The following SMOC1 variants were observed in gnomAD, a reference collection of about 807,000 sequenced individuals.
SMOC1 encodes the protein SPARC-related modular calcium-binding protein 1.
In SMOC1, 22 loss-of-function variants were observed where a neutral mutation model predicts 56.3. That is an observed-to-expected ratio of 0.39 (90% confidence interval 0.28 to 0.56). The LOEUF is 0.56. Ranked by LOEUF, SMOC1 falls within the 20% of genes least tolerant of loss-of-function variation. The pLI is 0.61. For missense variants in SMOC1, 509 were observed against 565.4 expected, an observed-to-expected ratio of 0.90 and a Z score of 1.01; for synonymous variants, 193 against 215.0, an observed-to-expected ratio of 0.90 and a Z score of 0.89.
intron 7 of SMOC1, among the ~76,000 whole-genome samples, chr14:70,007,144 C>A (rs1885174859): frequency 6.6e-6 from 1 of 152,202 alleles, no homozygotes; most frequent in Admixed American, 6.5e-5. Flanking sequence ...AGCACCCAGC[C>A]AGTGCTGAAA....
Position 69,970,790 on chromosome 14 carries a change from G to A in SMOC1, c.379-4925G>A, listed in dbSNP as rs182710817. Among the ~76,000 whole-genome samples the A allele has an allele frequency of 2.6e-3, 393 of 152,294 alleles. 2 individuals carry two copies. Among genetic ancestry groups the A allele is most frequent in the African/African-American group, 8.5e-3 (355 of 41,562 alleles). ...CGGTTGCTCACCTGCCTTGTTGGGA[G>A]TGGTAGCCTGCCACATCCTTCCAGG... On this transcript the variant is annotated intron_variant, in intron 3 of 11. Coordinates refer to ENST00000361956, the MANE Select transcript of SMOC1 (RefSeq NM_001034852.3).
At chr14:69,983,834 T>C (rs1884268903) in intron 5 of SMOC1, among the ~76,000 whole-genome samples, 1 of 152,190 alleles carries the variant, frequency 6.6e-6, no homozygotes, top group Admixed American at 6.5e-5. Context: ...TGGACAGGCC[T>C]TGGGCCTGCT....
At chr14:69,880,644 G>T (rs1446175892) in intron 1 of SMOC1, among the ~76,000 whole-genome samples, 1 of 152,192 alleles carries the variant, frequency 6.6e-6, no homozygotes, top group East Asian at 1.9e-4. Flanking sequence ...CGACCTAGTG[G>T]TTCTTTTGAC....
chr14:70,022,114 G>T (rs1885747931), intron 10 of SMOC1, among the ~76,000 whole-genome samples: 1 of 152,218 alleles, frequency 6.6e-6, no homozygotes, highest in Non-Finnish European at 1.5e-5. Context: ...GTCACTCAGT[G>T]CCAAGCCCTG....
Position 70,023,356 on chromosome 14 carries a change from T to C in SMOC1, c.1200T>C (p.Cys400=). The change falls in exon 11 of 12, where the codon TGT becomes TGC. Residue 400 remains cysteine, a synonymous_variant. Coordinates refer to ENST00000361956, the MANE Select transcript of SMOC1 (RefSeq NM_001034852.3). The stretch of plus-strand genomic sequence containing the variant: ...AGAAGAAAGCCAAGCCCAAGAAATG[T>C]GCCCGGCGTTTCACCGACTACTGTG... ...YVKKKAKPKK[C]ARRFTDYCDL... is the part of the protein sequence containing the mutation. 6.2e-7 allele frequency: 1 copy of C among 1,614,186 alleles called. No individual in the cohort carries two copies. Among genetic ancestry groups the C allele is most frequent in the Non-Finnish European group, 8.5e-7 (1 of 1,180,044 alleles).
chr14:70,028,235 T>A (rs1248739971), intron 11 of SMOC1, among the ~76,000 whole-genome samples: 1 of 152,224 alleles, frequency 6.6e-6, no homozygotes, highest in Admixed American at 6.5e-5. Flanking sequence ...TCATTGTCAC[T>A]GTCCTGTGAG....
At chr14:69,960,469 A>G (rs2139460870) in intron 3 of SMOC1, among the ~76,000 whole-genome samples, 1 of 151,860 alleles carries the variant, frequency 6.6e-6, no homozygotes, top group Non-Finnish European at 1.5e-5. Flanking sequence ...TCTGTGGACA[A>G]TGCCAGCTTT....
chr14:69,917,543 A>G (rs1437661464), intron 1 of SMOC1, among the ~76,000 whole-genome samples: 1 of 152,230 alleles, frequency 6.6e-6, no homozygotes, highest in Non-Finnish European at 1.5e-5. Flanking sequence ...ATGGCCTGGG[A>G]GAAGCTTTGT....
At position 69,962,161 on chromosome 14, in the gene SMOC1, C is replaced by T. The variant is rs145277660; in HGVS notation, c.378+8629C>T. Among the ~76,000 whole-genome samples the T allele has an allele frequency of 4.1e-3, 617 of 152,120 alleles. 3 individuals are homozygous for T. Among genetic ancestry groups the T allele is most frequent in the African/African-American group, 0.014 (584 of 41,490 alleles). ...ATATATTCTAGATACAAGACTCTCT[C>T]TCTTTTTTTTTTATTTGAGATGGAT... On this transcript the variant is annotated intron_variant, in intron 3 of 11. Coordinates refer to ENST00000361956, the MANE Select transcript of SMOC1 (RefSeq NM_001034852.3).
rs138623591 is a variant in SMOC1, at chr14:69,963,114, A to T, written c.378+9582A>T. Among the ~76,000 whole-genome samples the T allele has an allele frequency of 3.4e-3, 525 of 152,258 alleles. 2 individuals carry two copies. Among genetic ancestry groups the T allele is most frequent in the Middle Eastern group, 6.8e-3 (2 of 294 alleles). ...AGTGCCACACTCTACTGATTACTAT[A>T]ACCTTGTAGTAAGTTTTGAAATCTT... On this transcript the variant is annotated intron_variant, in intron 3 of 11. Transcript: ENST00000361956.
chr14:69,918,148 A>G (rs1163379300), intron 1 of SMOC1, among the ~76,000 whole-genome samples: 1 of 152,194 alleles, frequency 6.6e-6, no homozygotes. Context: ...CTCTCTTAGT[A>G]ACTTTCAAGT....
At chr14:69,961,316 A>ATC (rs1190466072) in intron 3 of SMOC1, among the ~76,000 whole-genome samples, 12 of 112,924 alleles carry the variant, frequency 1.1e-4, no homozygotes, top group East Asian at 5.1e-4. Context: ...ATATATATAT[A>ATC]TATCCTGTTT....
At chr14:70,005,455 T>C (rs1051555949) in intron 7 of SMOC1, among the ~76,000 whole-genome samples, 1 of 152,320 alleles carries the variant, frequency 6.6e-6, no homozygotes, top group South Asian at 2.1e-4. Flanking sequence ...AACCTCTTTT[T>C]TCCTCTCCTG....
chr14:69,958,607 C>T (rs563403678), intron 3 of SMOC1, among the ~76,000 whole-genome samples: 2 of 152,210 alleles, frequency 1.3e-5, no homozygotes, highest in Non-Finnish European at 2.9e-5. Context: ...TAAATTGGCA[C>T]TGACTTTTTA....
intron 1 of SMOC1, among the ~76,000 whole-genome samples, chr14:69,886,517 A>T (rs1171615454): frequency 6.6e-6 from 1 of 152,200 alleles, no homozygotes; most frequent in Admixed American, 6.5e-5. Flanking sequence ...TTCTTTGTTT[A>T]AAAATAAGTG....
chr14:69,968,649 G>T (rs1249201191), intron 3 of SMOC1, among the ~76,000 whole-genome samples: 1 of 152,178 alleles, frequency 6.6e-6, no homozygotes, highest in Non-Finnish European at 1.5e-5. Flanking sequence ...CCTGCTATCC[G>T]ATTTGGAGTA....
At chr14:69,904,817 C>T (rs978551478) in intron 1 of SMOC1, among the ~76,000 whole-genome samples, 1 of 152,136 alleles carries the variant, frequency 6.6e-6, no homozygotes, top group Admixed American at 6.5e-5. Flanking sequence ...GTTGTGGTGA[C>T]CAAAACATGA....
At chr14:69,981,829 G>T (rs1385016726) in intron 5 of SMOC1, among the ~76,000 whole-genome samples, 1 of 152,126 alleles carries the variant, frequency 6.6e-6, no homozygotes, top group East Asian at 1.9e-4. Context: ...ACTCTTTTTG[G>T]GGTCTCAATG....
At chr14:70,009,796 G>C (rs1259797338) in intron 7 of SMOC1, among the ~76,000 whole-genome samples, 1 of 152,094 alleles carries the variant, frequency 6.6e-6, no homozygotes, top group Admixed American at 6.5e-5. Context: ...AACTTTGGCA[G>C]GATTATAGGT....
Sources: allele counts gnomAD v4.1 joint callset (sites outside exome capture counted in the v4.1 genomes callset), GRCh38; gene constraint gnomAD v4.1.1; transcripts MANE v1.5; gene names NCBI Gene and HGNC (gene_info 2026-07-23, HGNC 2026-07-21).